Variants in ANKFN1 observed in about 807,000 individuals in gnomAD.
ANKFN1 encodes the protein ankyrin repeat and fibronectin type III domain containing 1, also known as ankyrin repeat and fibronectin type-III domain-containing protein 1.
A neutral mutation model predicts 108.7 loss-of-function variants in ANKFN1; 74 were observed. That is an observed-to-expected ratio of 0.68 (90% confidence interval 0.56 to 0.83). ANKFN1 has a LOEUF of 0.83. ANKFN1 is among the 40% of genes least tolerant of loss of function. The pLI, the probability that ANKFN1 is intolerant of heterozygous loss-of-function variation, is 0.00. For missense variants in ANKFN1, 1,505 were observed against 1,382.3 expected (o/e 1.09, Z -1.41); for synonymous variants, 547 against 516.2 (o/e 1.06, Z -0.81).
intron 3 of ANKFN1, among the ~76,000 whole-genome samples, chr17:56,309,111 A>G (rs959147529): frequency 6.6e-5 from 10 of 152,062 alleles, no homozygotes; most frequent in African/African-American, 2.4e-4. Flanking sequence ...TTTGGGTTGG[A>G]ATTTGTGTTA....
intron 8 of ANKFN1, among the ~76,000 whole-genome samples, chr17:56,386,545 A>T (rs552130422): frequency 9.9e-5 from 15 of 151,160 alleles, no homozygotes; most frequent in South Asian, 8.3e-4. Context: ...TCTTAGTAAT[A>T]GCTCTTTATC....
At position 56,204,527 on chromosome 17, in the gene ANKFN1, G is replaced by A. The variant is rs369392660; in HGVS notation, c.-70-8071G>A. 6.0e-4 allele frequency among the ~76,000 whole-genome samples: 88 copies of A among 146,924 alleles called. 2 individuals are homozygous for A. The East Asian group carries it at 0.016, about 27-fold the overall frequency. ...AGCTAATTTTTGTGTTTTTAGTAGAGCTGGGGTTTCGCCATGTTGGCCAGG... is the reference window on the plus strand; with the variant it reads ...AGCTAATTTTTGTGTTTTTAGTAGAACTGGGGTTTCGCCATGTTGGCCAGG... On this transcript the variant is annotated intron_variant, in intron 1 of 20. Coordinates refer to ENST00000682825, the MANE Select transcript of ANKFN1 (RefSeq NM_001370326.1).
At chr17:56,389,461 C>A (rs2047368624) in intron 8 of ANKFN1, among the ~76,000 whole-genome samples, 1 of 152,120 alleles carries the variant, frequency 6.6e-6, no homozygotes, top group Admixed American at 6.5e-5. Context: ...CCTTGTTTAC[C>A]TTTTAAAGGA....
rs550361945 is a variant in ANKFN1, at chr17:56,348,505, G to A, written c.189-2261G>A. 4.6e-5 allele frequency among the ~76,000 whole-genome samples: 7 copies of A among 152,094 alleles called. No individual in the cohort carries two copies. The South Asian group carries it at 6.2e-4, about 14-fold the overall frequency. On this transcript the variant is annotated intron_variant, in intron 4 of 20. Coordinates refer to ENST00000682825, the MANE Select transcript of ANKFN1 (RefSeq NM_001370326.1). ...AATGGGCAAAATATTTGCAAACCAC[G>A]CATTTGAAAAGGTCTGATATCCAGC...
intron 19 of ANKFN1, among the ~76,000 whole-genome samples, chr17:56,497,231 C>T (rs1446870537): frequency 6.6e-6 from 1 of 152,128 alleles, no homozygotes; most frequent in East Asian, 1.9e-4. Flanking sequence ...TTGGCTTTAT[C>T]CCCAGACTTT....
At chr17:56,213,628 G>A (rs531367867) in intron 2 of ANKFN1, among the ~76,000 whole-genome samples, 1 of 152,182 alleles carries the variant, frequency 6.6e-6, no homozygotes, top group African/African-American at 2.4e-5. Flanking sequence ...TATGTACCAG[G>A]TGCCATCCTA....
chr17:56,306,521 G>A (rs892404662), intron 3 of ANKFN1, among the ~76,000 whole-genome samples: 5 of 152,116 alleles, frequency 3.3e-5, no homozygotes, highest in Non-Finnish European at 7.4e-5. Context: ...AACTTACAAG[G>A]GACGTGAAGG....
At chr17:56,306,536 C>A (rs1021131765) in intron 3 of ANKFN1, among the ~76,000 whole-genome samples, 2 of 152,192 alleles carry the variant, frequency 1.3e-5, no homozygotes, top group Admixed American at 1.3e-4. Flanking sequence ...TGAAGGACCT[C>A]TTCAAGGAGA....
Position 56,477,575 on chromosome 17 carries a change from C to A in ANKFN1, c.1861C>A (p.Gln621Lys). The change falls in exon 16 of 21, where the codon CAA (glutamine) becomes AAA (lysine). Residue 621 changes from glutamine (Q) to lysine (K), a missense_variant. By Grantham distance (53) the Gln-to-Lys change is moderately conservative. Transcript: ENST00000682825. ...GYLKLCSSVD[Q>K]IKVLVTQKLP... ...CCTAAAGCTCTGTAGCTCTGTGGAT[C>A]AAATCAAAGTTCTTGTTACCCAAAA... The A allele has an allele frequency of 1.2e-6, 2 of 1,612,318 alleles. No individual in the cohort carries two copies. Among genetic ancestry groups the A allele is most frequent in the Non-Finnish European group, 1.7e-6 (2 of 1,179,260 alleles).
At chr17:56,391,579 A>C (rs1157588374) in intron 8 of ANKFN1, among the ~76,000 whole-genome samples, 1 of 151,874 alleles carries the variant, frequency 6.6e-6, no homozygotes, top group Non-Finnish European at 1.5e-5. Context: ...GGCATGTGCC[A>C]CCATGCCCTG....
At chr17:56,432,943 A>G (rs1222727228) in intron 8 of ANKFN1, among the ~76,000 whole-genome samples, 1 of 152,130 alleles carries the variant, frequency 6.6e-6, no homozygotes, top group Non-Finnish European at 1.5e-5. Context: ...CATTTATACA[A>G]TGATATGATG....
intron 6 of ANKFN1, among the ~76,000 whole-genome samples, chr17:56,358,271 A>G (rs576928143): frequency 6.6e-6 from 1 of 152,314 alleles, no homozygotes; most frequent in African/African-American, 2.4e-5. Flanking sequence ...TCAGAAGAAC[A>G]TCCTCTGTAG....
chr17:56,316,025 C>T (rs779110718), intron 3 of ANKFN1, among the ~76,000 whole-genome samples: 3 of 152,132 alleles, frequency 2.0e-5, no homozygotes, highest in African/African-American at 7.2e-5. Flanking sequence ...CTGCTATATG[C>T]CTTAGGTCAG....
rs1200739211 is a variant in ANKFN1, at chr17:56,290,187, CA to C, written c.54-36032del. Among the ~76,000 whole-genome samples the C allele has an allele frequency of 2.0e-5, 3 of 152,122 alleles. No homozygotes were observed. In the East Asian group the frequency reaches 5.8e-4, roughly 29 times the overall value. On this transcript the variant is annotated intron_variant, in intron 3 of 20. Transcript: ENST00000682825. The stretch of plus-strand genomic sequence containing the variant: ...CCCTTTTTACCTTCTTCCTCCTGCT[CA>C]ATATGTTTCTCTTCATTCTCTTCAA...
chr17:56,466,950 C>CA lies in ANKFN1; in HGVS notation c.1773+386dup, dbSNP rs555950902. Among the ~76,000 whole-genome samples the CA allele has an allele frequency of 4.6e-5, 7 of 151,882 alleles. No individual in the cohort carries two copies. In the East Asian group the frequency reaches 9.7e-4, roughly 21 times the overall value. On this transcript the variant is annotated intron_variant, in intron 15 of 20. Coordinates refer to ENST00000682825, the MANE Select transcript of ANKFN1 (RefSeq NM_001370326.1). The stretch of plus-strand genomic sequence containing the variant: ...TGAAACCCCATCTCTACTAAAAATA[C>CA]AAAAAAATAAATAAATAAATAGCTG...
Position 56,391,212 on chromosome 17 carries a change from CATATATAT to C in ANKFN1, c.910+16527_910+16534del, listed in dbSNP as rs202114506. On this transcript the variant is annotated intron_variant, in intron 8 of 20. Transcript: ENST00000682825. ...TTTGCAGGGTGAAGGCCCAAGAATA[CATATATAT>C]ATATATATATATATATATATATATA... 1.5e-3 allele frequency among the ~76,000 whole-genome samples: 183 copies of C among 121,406 alleles called. 1 individual carries two copies. The highest frequency in any genetic ancestry group is 6.6e-3 in the African/African-American group (162 of 24,724). The allele number at this position is 121,406 out of a possible 152,430, so 79.6% of individuals were successfully genotyped here. A position where few individuals can be genotyped will look rare whatever the true frequency, so the allele number is the denominator to read the frequency against.
intron 1 of ANKFN1, among the ~76,000 whole-genome samples, chr17:56,159,237 G>A (rs1242295401): frequency 6.6e-6 from 1 of 152,142 alleles, no homozygotes; most frequent in Non-Finnish European, 1.5e-5. Flanking sequence ...TGTGAAGTGC[G>A]ACATTTTGTT....
chr17:56,294,366 C>A (rs1472601809), intron 3 of ANKFN1, among the ~76,000 whole-genome samples: 1 of 152,200 alleles, frequency 6.6e-6, no homozygotes. Context: ...GCAGGGGAAG[C>A]CAGGAGCCGA....
chr17:56,436,865 G>A (rs1326070956), intron 8 of ANKFN1, among the ~76,000 whole-genome samples: 2 of 150,200 alleles, frequency 1.3e-5, no homozygotes, highest in Non-Finnish European at 3.0e-5. Flanking sequence ...AGAATTCCCA[G>A]TCACTCTCAA....
Sources: gnomAD v4.1 joint callset for allele counts (sites outside exome capture counted in the v4.1 genomes callset) on GRCh38, gnomAD v4.1.1 for gene constraint, MANE v1.5 for transcripts, NCBI Gene and HGNC (gene_info 2026-07-23, HGNC 2026-07-21) for gene names.